Variants in RAPGEF2 observed in about 807,000 individuals in gnomAD.
RAPGEF2 encodes the protein Rap guanine nucleotide exchange factor 2.
A neutral mutation model predicts 186.7 loss-of-function variants in RAPGEF2; 54 were observed. The ratio of observed to expected loss-of-function variants is 0.29; its 90% CI spans 0.23 to 0.36. RAPGEF2 has a LOEUF of 0.36. Among genes scored for constraint, RAPGEF2 ranks in the 10% least tolerant of loss-of-function variants. RAPGEF2 has a pLI of 1.00. For synonymous variants in RAPGEF2, 712 were observed against 705.9 expected (o/e 1.01, Z -0.14); for missense variants, 1,532 against 2,045.0 (o/e 0.75, Z 4.84).
At position 159,279,803 on chromosome 4, in the gene RAPGEF2, C is replaced by T. The variant is rs887724791; in HGVS notation, c.544-24539C>T. On this transcript the variant is annotated intron_variant, in intron 7 of 29. Transcript: ENST00000691494. ...CTGTGATTCTTCCACCTCAGCCTCC[C>T]GAGTAGCTGGGACTACAGGTGCGTA... 1.4e-4 allele frequency among the ~76,000 whole-genome samples: 21 copies of T among 151,988 alleles called. 1 individual carries two copies. Among genetic ancestry groups the T allele is most frequent in the Non-Finnish European group, 2.9e-4 (20 of 68,008 alleles).
At chr4:159,293,994 G>GT (rs1761590476) in intron 7 of RAPGEF2, among the ~76,000 whole-genome samples, 2 of 152,160 alleles carry the variant, frequency 1.3e-5, no homozygotes, top group African/African-American at 2.4e-5. Flanking sequence ...CGGAAGGGAC[G>GT]TTGGGAAATG....
chr4:159,159,290 A>G (rs775468230), intron 1 of RAPGEF2, among the ~76,000 whole-genome samples: 8 of 152,248 alleles, frequency 5.3e-5, no homozygotes, highest in Non-Finnish European at 7.3e-5. Context: ...CTGTTAGGCA[A>G]ATATGGTTGG....
intron 3 of RAPGEF2, among the ~76,000 whole-genome samples, chr4:159,196,071 G>C (rs573880520): frequency 1.6e-4 from 25 of 152,050 alleles, no homozygotes; most frequent in South Asian, 1.5e-3. Flanking sequence ...AGTAAGTGAT[G>C]AAAAGTCTTT....
At chr4:159,104,852 G>C (rs1019136969) in intron 1 of RAPGEF2, among the ~76,000 whole-genome samples, 1 of 152,194 alleles carries the variant, frequency 6.6e-6, no homozygotes, top group Admixed American at 6.6e-5. Context: ...ATTTTTTAAA[G>C]GATACTGCTT....
chr4:159,341,657 G>A lies in RAPGEF2; in HGVS notation c.2628G>A (p.Gln876=). The part of the protein sequence containing the change: ...LLRESQISLL[Q]LSTVEVATQL... ...GAGAGAGTCAAATTTCCCTCCTTCA[G>A]CTCAGCACTGTGGAAGTTGCAACAC... The change falls in exon 20 of 30, where the codon CAG becomes CAA. Residue 876 remains glutamine, a synonymous_variant. Coordinates refer to ENST00000691494, the MANE Select transcript of RAPGEF2 (RefSeq NM_001394067.2). 1 of 1,614,034 alleles carries A rather than the reference G, an allele frequency of 6.2e-7. No individual in the cohort carries two copies. Among genetic ancestry groups the A allele is most frequent in the South Asian group, 1.1e-5 (1 of 91,074 alleles).
intron 1 of RAPGEF2, among the ~76,000 whole-genome samples, chr4:159,108,448 CATAAA>C (rs1466394048): frequency 7.9e-6 from 1 of 127,002 alleles, no homozygotes; most frequent in East Asian, 2.4e-4. Context: ...CAAGAAGGAA[CATAAA>C]ATAAAAACAA....
intron 4 of RAPGEF2, among the ~76,000 whole-genome samples, chr4:159,224,667 G>A (rs1168587985): frequency 6.6e-6 from 1 of 152,122 alleles, no homozygotes; most frequent in Admixed American, 6.5e-5. Context: ...CGAACAGAGA[G>A]GCTGTAGGTG....
intron 7 of RAPGEF2, among the ~76,000 whole-genome samples, chr4:159,256,166 A>T (rs181872069): frequency 6.6e-6 from 1 of 152,096 alleles, no homozygotes; most frequent in Non-Finnish European, 1.5e-5. Flanking sequence ...GTACCTGTCA[A>T]CCCATCACCT....
At chr4:159,180,153 C>T (rs1746858324) in intron 1 of RAPGEF2, among the ~76,000 whole-genome samples, 1 of 152,172 alleles carries the variant, frequency 6.6e-6, no homozygotes. Context: ...TTCCGTTTTC[C>T]TTTTTGTTGT....
At chr4:159,281,244 C>G (rs1241263491) in intron 7 of RAPGEF2, among the ~76,000 whole-genome samples, 1 of 151,998 alleles carries the variant, frequency 6.6e-6, no homozygotes, top group African/African-American at 2.4e-5. Flanking sequence ...CCCGCCTTGG[C>G]CTCCCAAAAT....
At chr4:159,253,483 GACTT>G (rs2111522163) in intron 7 of RAPGEF2, among the ~76,000 whole-genome samples, 1 of 152,272 alleles carries the variant, frequency 6.6e-6, no homozygotes, top group South Asian at 2.1e-4. Context: ...GAAGCTGTCA[GACTT>G]ACTGTGTTAG....
chr4:159,223,646 C>T (rs1478387573), intron 4 of RAPGEF2, among the ~76,000 whole-genome samples: 3 of 152,140 alleles, frequency 2.0e-5, no homozygotes, highest in Non-Finnish European at 4.4e-5. Context: ...TAGGCTAAAT[C>T]AGATACATTT....
In RAPGEF2 at chr4:159,223,912, T is replaced by G. The variant is rs142242184; in HGVS notation, c.281+13329T>G. On this transcript the variant is annotated intron_variant, in intron 4 of 29. Transcript: ENST00000691494. ...ATCCCATTTAAGTGAACTTTTTTTT[T>G]TTTTGAGACAGAGTCTCGCTCTGCC... Among the ~76,000 whole-genome samples, 132 of 152,292 alleles carry G rather than the reference T, an allele frequency of 8.7e-4. 1 individual carries two copies. The East Asian group carries it at 0.022, about 26-fold the overall frequency.
chr4:159,134,932 T>G (rs1401914096), intron 1 of RAPGEF2, among the ~76,000 whole-genome samples: 1 of 152,254 alleles, frequency 6.6e-6, no homozygotes, highest in Non-Finnish European at 1.5e-5. Context: ...TTCTGGACAT[T>G]TCATGTAAAT....
intron 1 of RAPGEF2, among the ~76,000 whole-genome samples, chr4:159,155,918 A>T (rs975488675): frequency 6.6e-6 from 1 of 152,126 alleles, no homozygotes; most frequent in Non-Finnish European, 1.5e-5. Flanking sequence ...TATAACTTTT[A>T]CTTTGATTCA....
Position 159,193,268 on chromosome 4 carries a change from CT to C in RAPGEF2, c.197+17del. On this transcript the variant is annotated intron_variant, in intron 3 of 29. Coordinates refer to ENST00000691494, the MANE Select transcript of RAPGEF2 (RefSeq NM_001394067.2). ...GAAGTTTTATACTAGTAGGTGTTTC[CT>C]TTTTGTTTGTACAATGTATCTAATC... 1 of 1,464,702 alleles carries C rather than the reference CT, an allele frequency of 6.8e-7. No homozygotes were observed. The highest frequency in any genetic ancestry group is 2.3e-5 in the Admixed American group (1 of 43,298). The allele number at this position is 1,464,702 out of a possible 1,614,324, so 90.7% of individuals were successfully genotyped here. A position where few individuals can be genotyped will look rare whatever the true frequency, so the allele number is the denominator to read the frequency against.
At chr4:159,122,038 CAAAAAAAAAAA>C (rs70962654) in intron 1 of RAPGEF2, among the ~76,000 whole-genome samples, 5 of 51,438 alleles carry the variant, frequency 9.7e-5, no homozygotes, top group Admixed American at 2.9e-4. Context: ...GACTCCATCT[CAAAAAAAAAAA>C]AAAAAAAAAA....
At chr4:159,306,010 G>C (rs778007518) in intron 8 of RAPGEF2, among the ~76,000 whole-genome samples, 8 of 152,034 alleles carry the variant, frequency 5.3e-5, no homozygotes, top group Non-Finnish European at 1.0e-4. Flanking sequence ...TTGTTCCATT[G>C]ATCTATGTAC....
intron 3 of RAPGEF2, among the ~76,000 whole-genome samples, chr4:159,209,191 C>CAAAAA (rs146288884): frequency 9.6e-6 from 1 of 103,716 alleles, no homozygotes; most frequent in Non-Finnish European, 2.0e-5. Flanking sequence ...CATGCCCAGC[C>CAAAAA]AAAAAAAAAA....
Sources: gnomAD v4.1 joint callset for allele counts (sites outside exome capture counted in the v4.1 genomes callset) on GRCh38, gnomAD v4.1.1 for gene constraint, MANE v1.5 for transcripts, NCBI Gene and HGNC (gene_info 2026-07-23, HGNC 2026-07-21) for gene names.